The following NDUFAF5 variants were observed in gnomAD, a reference collection of about 807,000 sequenced individuals.
NDUFAF5 encodes arginine-hydroxylase NDUFAF5, mitochondrial.
Under a neutral mutation model 48.9 loss-of-function variants are expected in NDUFAF5, and 34 were observed. That is an observed-to-expected ratio of 0.70 (90% CI 0.53 to 0.93). The LOEUF (loss-of-function observed/expected upper bound fraction) is 0.93. NDUFAF5 is among the 40% of genes least tolerant of loss of function. The pLI, the probability that NDUFAF5 is intolerant of heterozygous loss-of-function variation, is 0.00. For synonymous variants in NDUFAF5, 153 were observed against 150.6 expected (o/e 1.02, Z -0.12); for missense variants, 428 against 427.5 (o/e 1.00, Z -0.01).
At chr20:13,800,853 G>T (rs898121619) in intron 6 of NDUFAF5, among the ~76,000 whole-genome samples, 10 of 152,264 alleles carry the variant, frequency 6.6e-5, no homozygotes, top group African/African-American at 9.6e-5. Flanking sequence ...GGTTTGGAGG[G>T]CCTCGGTGCA....
intron 8 of NDUFAF5, among the ~76,000 whole-genome samples, chr20:13,811,977 T>C (rs1162638127): frequency 1.3e-5 from 2 of 152,232 alleles, no homozygotes. Context: ...GTATCTAGTC[T>C]TTACTTACAG....
rs1226224539 is a variant in NDUFAF5, at chr20:13,820,018, C to T, written c.*2808C>T. The stretch of plus-strand genomic sequence containing the variant: ...TCATTGAGTTTCATGTGCCAGGCAT[C>T]CAACTAGTCTCTGCTTTTATAGTTG... On this transcript the variant is annotated 3_prime_UTR_variant, in exon 11 of 11. Coordinates refer to ENST00000378106, the MANE Select transcript of NDUFAF5 (RefSeq NM_024120.5). The T allele has an allele frequency of 4.6e-5, 7 of 152,326 alleles. No homozygotes were observed. The highest frequency in any genetic ancestry group is 8.8e-5 in the Non-Finnish European group (6 of 68,024). The allele number at this position is 152,326 out of a possible 1,614,324, so 9.4% of individuals were successfully genotyped here.
At chr20:13,813,257 C>A (rs1392395725) in intron 8 of NDUFAF5, among the ~76,000 whole-genome samples, 1 of 152,136 alleles carries the variant, frequency 6.6e-6, no homozygotes, top group Admixed American at 6.6e-5. Context: ...TTTAAATAGA[C>A]CGTATATTTT....
At chr20:13,801,736 CT>C in intron 7 of NDUFAF5, 53 bp downstream of exon 7, 1 of 1,460,666 alleles carries the variant, frequency 6.8e-7, no homozygotes, top group Non-Finnish European at 9.6e-7. Context: ...AAAAGAACTT[CT>C]TATCATTTTA....
At chr20:13,799,497 G>A (rs1308151298) in intron 6 of NDUFAF5, among the ~76,000 whole-genome samples, 4 of 151,954 alleles carry the variant, frequency 2.6e-5, no homozygotes, top group African/African-American at 9.7e-5. Flanking sequence ...TTAGGAGTTC[G>A]AGACCAGCCT....
At chr20:13,809,000 G>A in intron 8 of NDUFAF5, 98 bp downstream of exon 8, 1 of 823,284 alleles carries the variant, frequency 1.2e-6, no homozygotes, top group South Asian at 1.4e-5. Flanking sequence ...TTGAGAGCCA[G>A]CTCTTTGGCA....
At position 13,793,191 on chromosome 20, in the gene NDUFAF5, A is replaced by C; in HGVS notation, c.339A>C (p.Gly113=). Residue 113 remains glycine, a synonymous_variant, in exon 4 of 11, where the codon GGA becomes GGC. Transcript: ENST00000378106. ...IAQYLNKETI[G]KFFQADIAEN... ...TTATTCCATTGCAGGAAACTATTGG[A>C]AAGTTTTTCCAAGCTGACATTGCAG... The C allele has an allele frequency of 6.2e-7, 1 of 1,614,028 alleles. No homozygotes were observed. Among genetic ancestry groups the C allele is most frequent in the Non-Finnish European group, 8.5e-7 (1 of 1,179,978 alleles).
intron 1 of NDUFAF5, among the ~76,000 whole-genome samples, chr20:13,785,540 T>C (rs1980902850): frequency 6.6e-6 from 1 of 152,140 alleles, no homozygotes; most frequent in African/African-American, 2.4e-5. Context: ...AGGCCTCCAG[T>C]GAAGCTCCGG....
At position 13,817,674 on chromosome 20, in the gene NDUFAF5, T is replaced by C; in HGVS notation, c.*464T>C. ...TCTTTTTTTTTAAAGCATCTGAATTTAACCTTATTTCTTTTTTATCTCCAT... is the reference window on the plus strand; with the variant it reads ...TCTTTTTTTTTAAAGCATCTGAATTCAACCTTATTTCTTTTTTATCTCCAT... On this transcript the variant is annotated 3_prime_UTR_variant, in exon 11 of 11. Coordinates refer to ENST00000378106, the MANE Select transcript of NDUFAF5 (RefSeq NM_024120.5). 1 of 454,252 alleles carries C rather than the reference T, an allele frequency of 2.2e-6. No individual in the cohort carries two copies. The highest frequency in any genetic ancestry group is 1.6e-5 in the South Asian group (1 of 64,474). 28.1% of individuals were successfully genotyped at this position (454,252 alleles called of 1,614,324 possible). A position where few individuals can be genotyped will look rare whatever the true frequency, so the allele number is the denominator to read the frequency against.
At chr20:13,801,738 TATC>T (rs1984177942) in intron 7 of NDUFAF5, 55 bp downstream of exon 7, 4 of 1,460,088 alleles carry the variant, frequency 2.7e-6, no homozygotes, top group Middle Eastern at 1.7e-4. Flanking sequence ...AAGAACTTCT[TATC>T]ATTTTAAAGA....
chr20:13,804,801 A>T (rs985484994), intron 7 of NDUFAF5, among the ~76,000 whole-genome samples: 1 of 152,176 alleles, frequency 6.6e-6, no homozygotes. Context: ...ACAAAACAGA[A>T]ATCCCTGCGT....
At chr20:13,793,683 G>T (rs189993155) in intron 4 of NDUFAF5, among the ~76,000 whole-genome samples, 4 of 152,278 alleles carry the variant, frequency 2.6e-5, no homozygotes, top group Admixed American at 2.6e-4. Context: ...AACCAACACT[G>T]CAGTGAAAAT....
intron 5 of NDUFAF5, among the ~76,000 whole-genome samples, chr20:13,796,905 G>A (rs1983315657): frequency 6.6e-6 from 1 of 152,180 alleles, no homozygotes; most frequent in Non-Finnish European, 1.5e-5. Context: ...CTTGAACCTG[G>A]GAGGCAGAGG....
intron 3 of NDUFAF5, among the ~76,000 whole-genome samples, chr20:13,788,863 A>G (rs2147486112): frequency 6.6e-6 from 1 of 151,802 alleles, no homozygotes. Context: ...TGAATCCATT[A>G]TATATTATGT....
intron 6 of NDUFAF5, among the ~76,000 whole-genome samples, chr20:13,800,361 A>G (rs1184291739): frequency 6.6e-6 from 1 of 152,244 alleles, no homozygotes; most frequent in East Asian, 1.9e-4. Context: ...GCTTCATGAC[A>G]TATTAAATAT....
At chr20:13,816,392 T>C in intron 8 of NDUFAF5, 71 bp from the exon 9 acceptor site, 1 of 1,013,402 alleles carries the variant, frequency 9.9e-7, no homozygotes, top group Non-Finnish European at 1.6e-6. Flanking sequence ...TGAGACGGGA[T>C]TAAGTCTGTG....
chr20:13,796,596 C>T (rs1983254152), intron 5 of NDUFAF5, among the ~76,000 whole-genome samples: 1 of 152,110 alleles, frequency 6.6e-6, no homozygotes, highest in South Asian at 2.1e-4. Context: ...GGCAGTTATA[C>T]CAGAAAAGTG....
intron 8 of NDUFAF5, among the ~76,000 whole-genome samples, chr20:13,809,215 G>A (rs1170512079): frequency 6.6e-6 from 1 of 152,146 alleles, no homozygotes; most frequent in East Asian, 1.9e-4. Context: ...TTTTTGAAGG[G>A]TGCACTTGAG....
Position 13,817,720 on chromosome 20 carries a change from G to C in NDUFAF5, c.*510G>C, listed in dbSNP as rs753758220. The C allele has an allele frequency of 2.2e-6, 1 of 453,896 alleles. No individual in the cohort carries two copies. Among genetic ancestry groups the C allele is most frequent in the South Asian group, 1.6e-5 (1 of 64,468 alleles). The allele number at this position is 453,896 out of a possible 1,614,324, so 28.1% of individuals were successfully genotyped here. A position where few individuals can be genotyped will look rare whatever the true frequency, so the allele number is the denominator to read the frequency against. ...TCCATGGTGTGGGTGGGACCACCAT[G>C]GTTTTACACCCCACCCTACCTTAGG... On this transcript the variant is annotated 3_prime_UTR_variant, in exon 11 of 11. Coordinates refer to ENST00000378106, the MANE Select transcript of NDUFAF5 (RefSeq NM_024120.5).
Sources: allele counts gnomAD v4.1 joint callset (sites outside exome capture counted in the v4.1 genomes callset), GRCh38; gene constraint gnomAD v4.1.1; transcripts MANE v1.5; gene names NCBI Gene and HGNC (gene_info 2026-07-23, HGNC 2026-07-21).